FAR1: variants seen among roughly 807,000 people sequenced by gnomAD.
The protein encoded by FAR1 is male sterility domain-containing protein 2.
In FAR1, 22 loss-of-function variants were observed where a neutral mutation model predicts 61.1. The observed-to-expected ratio is 0.36, with a 90% CI of 0.26 to 0.51. FAR1 has a LOEUF of 0.51. FAR1 is among the 20% of genes least tolerant of loss of function. FAR1 has a pLI of 0.95. For synonymous variants in FAR1, 206 were observed against 209.7 expected, an observed-to-expected ratio of 0.98 and a Z score of 0.15; for missense variants, 359 against 626.9, an observed-to-expected ratio of 0.57 and a Z score of 4.56.
In FAR1 at chr11:13,728,537, T is replaced by C. The variant is rs551243696; in HGVS notation, c.1386-75T>C. Reference sequence around the variant, plus strand: ...ATTTGAGCTTTGATTAAAAACTCAGTATTAATTAGCTGCCATCTAACAATA... The same window carrying C: ...ATTTGAGCTTTGATTAAAAACTCAGCATTAATTAGCTGCCATCTAACAATA... On this transcript the variant is annotated intron_variant, in intron 11 of 11. Coordinates refer to ENST00000354817, the MANE Select transcript of FAR1 (RefSeq NM_032228.6). The C allele has an allele frequency of 5.6e-5, 74 of 1,324,164 alleles. No individual in the cohort carries two copies. In the African/African-American group the frequency reaches 8.6e-4, roughly 15 times the overall value. 82.0% of individuals were successfully genotyped at this position (1,324,164 alleles called of 1,614,324 possible). A position where few individuals can be genotyped will look rare whatever the true frequency, so the allele number is the denominator to read the frequency against.
At chr11:13,702,081 G>T (rs1219367558) in intron 3 of FAR1, among the ~76,000 whole-genome samples, 1 of 152,062 alleles carries the variant, frequency 6.6e-6, no homozygotes, top group Non-Finnish European at 1.5e-5. Flanking sequence ...ATCTGTAGCA[G>T]TTGCTTTATT....
chr11:13,728,749 G>A lies in FAR1; in HGVS notation c.1523G>A (p.Arg508Gln), dbSNP rs200930331. Residue 508 changes from arginine to glutamine, a missense_variant, in exon 12 of 12, where the codon CGA (arginine) becomes CAA (glutamine). Physicochemically the swap from Arg to Gln is conservative, Grantham distance 43. Around this residue, in one of 2 missense-constraint regions of FAR1, gnomAD observed 15 missense variants for 56.5 expected, o/e 0.27. Coordinates refer to ENST00000354817, the MANE Select transcript of FAR1 (RefSeq NM_032228.6). ...TGTTACAAGTTTTTGTCATACTTCCGAGCATCCAGCACTATGAGATACTGA... is the reference window on the plus strand; with the variant it reads ...TGTTACAAGTTTTTGTCATACTTCCAAGCATCCAGCACTATGAGATACTGA... ...SLCYKFLSYF[R>Q]ASSTMRY 108 of 1,611,690 alleles carry A rather than the reference G, an allele frequency of 6.7e-5. No homozygotes were observed. The highest frequency in any genetic ancestry group is 3.3e-4 in the Admixed American group (20 of 59,938).
At chr11:13,668,992 C>CTT (rs1847961258) in intron 1 of FAR1, among the ~76,000 whole-genome samples, 186 bp downstream of exon 1, 1 of 152,146 alleles carries the variant, frequency 6.6e-6, no homozygotes, top group African/African-American at 2.4e-5. Flanking sequence ...CGGGTGGTCT[C>CTT]TGCCCCTCTT....
rs151017562 is a variant in FAR1, at chr11:13,707,757, T to C, written c.366-143T>C. 311 of 481,432 alleles carry C rather than the reference T, an allele frequency of 6.5e-4. 3 individuals carry two copies. In the East Asian group the frequency reaches 0.01, roughly 16 times the overall value. 29.8% of individuals were successfully genotyped at this position (481,432 alleles called of 1,614,324 possible). On this transcript the variant is annotated intron_variant, in intron 3 of 11. Coordinates refer to ENST00000354817, the MANE Select transcript of FAR1 (RefSeq NM_032228.6). ...ATAAACATTTAATATGGAAATAAAA[T>C]ACACAAAATCACAGCTAAAGGATAA...
At chr11:13,682,998 A>G (rs1469455708) in intron 1 of FAR1, among the ~76,000 whole-genome samples, 1 of 152,202 alleles carries the variant, frequency 6.6e-6, no homozygotes. Context: ...TTAAAAGATT[A>G]TTTAACGTAA....
rs146359622 is a variant in FAR1, at chr11:13,699,415, C to T, written c.190-902C>T. On this transcript the variant is annotated intron_variant, in intron 2 of 11. Coordinates refer to ENST00000354817, the MANE Select transcript of FAR1 (RefSeq NM_032228.6). ...CTAGCAGTGGAAGTAGCAGTAGGAGCTATCAGTAGGAGCGGGAAGACTGTT... is the reference window on the plus strand; with the variant it reads ...CTAGCAGTGGAAGTAGCAGTAGGAGTTATCAGTAGGAGCGGGAAGACTGTT... Among the ~76,000 whole-genome samples the T allele has an allele frequency of 3.5e-3, 537 of 152,206 alleles. 2 individuals carry two copies. The highest frequency in any genetic ancestry group is 5.3e-3 in the Non-Finnish European group (360 of 68,020).
intron 9 of FAR1, among the ~76,000 whole-genome samples, chr11:13,714,896 G>T (rs1399557278): frequency 6.6e-6 from 1 of 152,186 alleles, no homozygotes; most frequent in Non-Finnish European, 1.5e-5. Context: ...TTATTGTCAT[G>T]TATTGAATTC....
intron 9 of FAR1, among the ~76,000 whole-genome samples, chr11:13,717,574 T>G (rs1236224290): frequency 1.3e-5 from 2 of 152,194 alleles, no homozygotes; most frequent in Non-Finnish European, 2.9e-5. Context: ...AACTGGCCTG[T>G]GGGCTCTGTG....
chr11:13,673,951 C>G lies in FAR1; in HGVS notation c.-8+5145C>G, dbSNP rs535002789. Among the ~76,000 whole-genome samples the G allele has an allele frequency of 9.9e-5, 15 of 152,094 alleles. No individual in the cohort carries two copies. The East Asian group carries it at 2.7e-3, about 27-fold the overall frequency. ...AATAAATAATTGAAATATATACTAC[C>G]AATAAAATAACTCATTCTCTTTCAT... On this transcript the variant is annotated intron_variant, in intron 1 of 11. Coordinates refer to ENST00000354817, the MANE Select transcript of FAR1 (RefSeq NM_032228.6).
intron 3 of FAR1, 141 bp from the exon 4 acceptor site, chr11:13,707,759 C>T (rs1848449414): frequency 2.1e-6 from 1 of 484,124 alleles, no homozygotes. Context: ...AAATAAAATA[C>T]ACAAAATCAC....
chr11:13,725,408 A>G (rs924590610), intron 10 of FAR1, among the ~76,000 whole-genome samples: 2 of 151,680 alleles, frequency 1.3e-5, no homozygotes, highest in Admixed American at 1.3e-4. Flanking sequence ...TTTAGTATAC[A>G]TTACCTAGTA....
At position 13,672,631 on chromosome 11, in the gene FAR1, G is replaced by A. The variant is rs574153353; in HGVS notation, c.-8+3825G>A. ...ATGAGCTAATACTCAGGAAAATGTG[G>A]GTAGGCTAGTCTGAACTTGGGGTAG... On this transcript the variant is annotated intron_variant, in intron 1 of 11. Coordinates refer to ENST00000354817, the MANE Select transcript of FAR1 (RefSeq NM_032228.6). Among the ~76,000 whole-genome samples the A allele has an allele frequency of 2.0e-5, 3 of 151,936 alleles. No individual in the cohort carries two copies. The East Asian group carries it at 5.8e-4, about 29-fold the overall frequency.
chr11:13,691,137 T>G (rs989863040), intron 1 of FAR1, among the ~76,000 whole-genome samples: 1 of 152,214 alleles, frequency 6.6e-6, no homozygotes, highest in East Asian at 1.9e-4. Context: ...GGTTGTCTGA[T>G]GAGAGCTGCT....
At chr11:13,674,078 G>A (rs1345090288) in intron 1 of FAR1, among the ~76,000 whole-genome samples, 3 of 152,104 alleles carry the variant, frequency 2.0e-5, no homozygotes, top group Non-Finnish European at 4.4e-5. Flanking sequence ...TTGGGAGGCC[G>A]AGGTGGGCGG....
intron 1 of FAR1, among the ~76,000 whole-genome samples, chr11:13,677,532 G>A (rs1848079958): frequency 6.6e-6 from 1 of 152,160 alleles, no homozygotes; most frequent in Non-Finnish European, 1.5e-5. Context: ...GACACTGGAA[G>A]GATCATTGAC....
At chr11:13,724,739 A>T (rs934272382) in intron 10 of FAR1, among the ~76,000 whole-genome samples, 2 of 152,178 alleles carry the variant, frequency 1.3e-5, no homozygotes, top group Admixed American at 6.6e-5. Flanking sequence ...TATTTAAAGG[A>T]TATTACTTTC....
rs1010985465 is a variant in FAR1 at position 13,668,702 on chromosome 11, G to T, written c.-112G>T. 1.3e-5 allele frequency: 2 copies of T among 153,956 alleles called. No homozygotes were observed. Among genetic ancestry groups the T allele is most frequent in the South Asian group, 3.6e-4 (2 of 5,604 alleles). The allele number at this position is 153,956 out of a possible 1,614,324, so 9.5% of individuals were successfully genotyped here. A position where few individuals can be genotyped will look rare whatever the true frequency, so the allele number is the denominator to read the frequency against. ...CGTCCGCTCTTCAGCAGCCGGTCGC[G>T]GGCGGTGGAAAAGCGAGTGAAGAGA... On this transcript the variant is annotated 5_prime_UTR_variant, in exon 1 of 12. Coordinates refer to ENST00000354817, the MANE Select transcript of FAR1 (RefSeq NM_032228.6).
At chr11:13,677,476 C>T (rs968708462) in intron 1 of FAR1, among the ~76,000 whole-genome samples, 2 of 152,152 alleles carry the variant, frequency 1.3e-5, no homozygotes, top group African/African-American at 4.8e-5. Context: ...GGGATTTAGT[C>T]ATTTAAATAC....
chr11:13,699,739 A>G (rs1045141292), intron 2 of FAR1, among the ~76,000 whole-genome samples: 1 of 152,174 alleles, frequency 6.6e-6, no homozygotes, highest in African/African-American at 2.4e-5. Context: ...CTTAAATCCT[A>G]TATATGTAAT....
Sources: gnomAD v4.1 joint callset for allele counts (sites outside exome capture counted in the v4.1 genomes callset) on GRCh38, gnomAD v4.1.1 for gene constraint, gnomAD v4.1.1 regional missense constraint, MANE v1.5 for transcripts, NCBI Gene and HGNC (gene_info 2026-07-23, HGNC 2026-07-21) for gene names.